Variants in ZNF572 observed in about 807,000 individuals in gnomAD.
ZNF572 encodes zinc finger protein 572.
ZNF572 carries 2 observed loss-of-function variants against 3.8 expected under a neutral mutation model. The ratio of observed to expected loss-of-function variants is 0.52; its 90% CI spans 0.21 to 1.65. ZNF572 has a LOEUF of 1.65. ZNF572 is among the 40% of genes most tolerant of loss of function. The pLI is 0.20. For missense variants in ZNF572, 581 were observed against 633.4 expected, an observed-to-expected ratio of 0.92 and a Z score of 0.89; for synonymous variants, 187 against 204.5, an observed-to-expected ratio of 0.91 and a Z score of 0.73.
In ZNF572 at chr8:124,975,595, T is replaced by G; in HGVS notation, c.-35-11T>G. On this transcript the variant is annotated splice_polypyrimidine_tract_variant and intron_variant, in intron 1 of 2. Transcript: ENST00000319286. ...CAAATACCTCCAAACATAATTTATT[T>G]CCTTCCACAGGGTTTCTGATCTCTA... 6.8e-7 allele frequency: 1 copy of G among 1,480,054 alleles called. No homozygotes were observed. Among genetic ancestry groups the G allele is most frequent in the Non-Finnish European group, 9.4e-7 (1 of 1,059,068 alleles). The allele number at this position is 1,480,054 out of a possible 1,614,324, so 91.7% of individuals were successfully genotyped here.
rs115342993 is a variant in ZNF572 at position 124,977,236 on chromosome 8, C to G, written c.968C>G (p.Thr323Arg). The G allele has an allele frequency of 6.2e-7, 1 of 1,613,154 alleles. No homozygotes were observed. The change falls in exon 3 of 3, where the codon ACA becomes AGA. Residue 323 changes from threonine (T) to arginine (R), a missense_variant. Thr to Arg is a moderately conservative substitution (Grantham distance 71). Transcript: ENST00000319286. ...CTAATAAAACATCAGAGAATACATA[C>G]AGGAGAAAAGCCTTATCAATGTCCA... ...STLIKHQRIH[T>R]GEKPYQCPEC...
chr8:124,976,681 G>T lies in ZNF572; in HGVS notation c.413G>T (p.Trp138Leu). ...AGACCCTATAAATGTTCCGAATGTT[G>T]GAAAAGCTTCAGTAATAGTTCTCAT... is the stretch of plus-strand genomic sequence containing the variant. The part of the protein sequence containing the change: ...VDRPYKCSEC[W>L]KSFSNSSHLR... Residue 138 changes from tryptophan to leucine, a missense_variant, in exon 3 of 3, where the codon TGG becomes TTG. Coordinates refer to ENST00000319286, the MANE Select transcript of ZNF572 (RefSeq NM_152412.3). The T allele has an allele frequency of 1.2e-6, 2 of 1,614,164 alleles. No homozygotes were observed. Among genetic ancestry groups the T allele is most frequent in the Non-Finnish European group, 1.7e-6 (2 of 1,180,018 alleles).
At chr8:124,974,204 A>G (rs1318354089) in intron 1 of ZNF572, among the ~76,000 whole-genome samples, 2 of 152,226 alleles carry the variant, frequency 1.3e-5, no homozygotes, top group Non-Finnish European at 2.9e-5. Context: ...TATTCTAAAT[A>G]TTCTAAAATA....
chr8:124,976,567 C>CT lies in ZNF572; in HGVS notation c.300dup (p.Lys101Ter). 1 of 1,614,056 alleles carries CT rather than the reference C, an allele frequency of 6.2e-7. No homozygotes were observed. The highest frequency in any genetic ancestry group is 8.5e-7 in the Non-Finnish European group (1 of 1,180,018). On this transcript the variant is annotated frameshift_variant, in exon 3 of 3. Transcript: ENST00000319286. LOFTEE classifies it low-confidence loss of function (END_TRUNC). ...TCAGAGAATTGGGGAAATTTTATAGCTAAAGAGGAGGAAAAACCCAATCAC... is the reference window on the plus strand; with the variant it reads ...TCAGAGAATTGGGGAAATTTTATAGCTTAAAGAGGAGGAAAAACCCAATCAC...
At chr8:124,974,853 G>T (rs1389030478) in intron 1 of ZNF572, among the ~76,000 whole-genome samples, 1 of 151,916 alleles carries the variant, frequency 6.6e-6, no homozygotes, top group African/African-American at 2.4e-5. Flanking sequence ...CACCACACCC[G>T]GCTAATTTTT....
In ZNF572 at chr8:124,978,073, G is replaced by T; in HGVS notation, c.*215G>T. On this transcript the variant is annotated 3_prime_UTR_variant, in exon 3 of 3. Transcript: ENST00000319286. ...CATCCACCAAGGATGAAGAAAGGAG[G>T]ACTTTTAAAAATTTAAGGTAAGATA... 1 of 507,206 alleles carries T rather than the reference G, an allele frequency of 2.0e-6. No homozygotes were observed. Among genetic ancestry groups the T allele is most frequent in the Non-Finnish European group, 3.3e-6 (1 of 298,900 alleles). 31.4% of individuals were successfully genotyped at this position (507,206 alleles called of 1,614,324 possible).
chr8:124,976,117 C>T (rs543291173), intron 2 of ZNF572, among the ~76,000 whole-genome samples: 2 of 152,106 alleles, frequency 1.3e-5, no homozygotes, highest in Non-Finnish European at 2.9e-5. Context: ...TTGATGTTCC[C>T]TTTGCCAATA....
intron 1 of ZNF572, among the ~76,000 whole-genome samples, chr8:124,974,576 G>A (rs1814479803): frequency 6.6e-6 from 1 of 152,086 alleles, no homozygotes; most frequent in African/African-American, 2.4e-5. Flanking sequence ...ATCCTTTTAC[G>A]TCCTTATTTT....
At chr8:124,973,994 A>G (rs1814471659) in intron 1 of ZNF572, among the ~76,000 whole-genome samples, 1 of 152,134 alleles carries the variant, frequency 6.6e-6, no homozygotes. Flanking sequence ...CTCCATTCGA[A>G]CAACTCCACC....
chr8:124,977,790 A>T lies in ZNF572; in HGVS notation c.1522A>T (p.Thr508Ser). Residue 508 changes from threonine to serine, a missense_variant, in exon 3 of 3, where the codon ACT becomes TCT. Transcript: ENST00000319286. ...PDVGDFPHEW[T>S]WKNCSGEMPF... ...CGTTGGGGATTTTCCTCATGAATGG[A>T]CTTGGAAAAACTGTTCAGGGGAAAT... 6.2e-7 allele frequency: 1 copy of T among 1,613,360 alleles called. No homozygotes were observed. Among genetic ancestry groups the T allele is most frequent in the Non-Finnish European group, 8.5e-7 (1 of 1,179,480 alleles).
chr8:124,978,573 T>A lies in ZNF572; in HGVS notation c.*715T>A, dbSNP rs904732636. 2.4e-4 allele frequency: 36 copies of A among 152,204 alleles called. No homozygotes were observed. The highest frequency in any genetic ancestry group is 7.5e-4 in the African/African-American group (31 of 41,450). 9.4% of individuals were successfully genotyped at this position (152,204 alleles called of 1,614,324 possible). A position where few individuals can be genotyped will look rare whatever the true frequency, so the allele number is the denominator to read the frequency against. On this transcript the variant is annotated 3_prime_UTR_variant, in exon 3 of 3. Transcript: ENST00000319286. ...TTGACAGACCCATAAATATTTCCTATAAAGACTGTAGAAGTGTGTTCTGGA... is the reference window on the plus strand; with the variant it reads ...TTGACAGACCCATAAATATTTCCTAAAAAGACTGTAGAAGTGTGTTCTGGA...
In ZNF572 at chr8:124,977,434, G is replaced by C. The variant is rs1359600686; in HGVS notation, c.1166G>C (p.Cys389Ser). The change falls in exon 3 of 3, where the codon TGT (cysteine) becomes TCT (serine). Residue 389 changes from cysteine to serine, a missense_variant. Cys to Ser is a moderately radical substitution (Grantham distance 112). Transcript: ENST00000319286. ...LGEKPYRCCECGKSFGLSSHL... is the reference protein window; with the variant it reads ...LGEKPYRCCESGKSFGLSSHL... ...GAGAAACCATATAGATGTTGTGAAT[G>C]TGGGAAGAGTTTTGGCCTTAGCTCC... 6.2e-7 allele frequency: 1 copy of C among 1,614,176 alleles called. No individual in the cohort carries two copies.
At position 124,975,666 on chromosome 8, in the gene ZNF572, T is replaced by C; in HGVS notation, c.26T>C (p.Val9Ala). The change falls in exon 2 of 3, where the codon GTC becomes GCC. Residue 9 changes from valine to alanine, a missense_variant. Transcript: ENST00000319286. ...ATGGAGCAAGAAAAAAAACTGTTGG[T>C]CTCAGATTCTAACAGCTTTATGGAG... The part of the protein sequence containing the change: MEQEKKLL[V>A]SDSNSFMERE... 2 of 1,613,962 alleles carry C rather than the reference T, an allele frequency of 1.2e-6. No homozygotes were observed. Among genetic ancestry groups the C allele is most frequent in the Non-Finnish European group, 1.7e-6 (2 of 1,179,918 alleles).
Position 124,977,663 on chromosome 8 carries a change from A to G in ZNF572, c.1395A>G (p.Glu465=). 1 of 1,614,236 alleles carries G rather than the reference A, an allele frequency of 6.2e-7. No individual in the cohort carries two copies. The highest frequency in any genetic ancestry group is 8.5e-7 in the Non-Finnish European group (1 of 1,180,028). The part of the protein sequence containing the change: ...LIRHRRTHIG[E]KPYKCTSCEK... ...GGCACCGGAGGACCCACATAGGGGA[A>G]AAACCTTACAAATGTACCAGCTGTG... Residue 465 remains glutamate (E), a synonymous_variant, in exon 3 of 3, where the codon GAA becomes GAG. Coordinates refer to ENST00000319286, the MANE Select transcript of ZNF572 (RefSeq NM_152412.3).
In ZNF572 at chr8:124,977,292, A is replaced by G. The variant is rs755887509; in HGVS notation, c.1024A>G (p.Asn342Asp). The G allele has an allele frequency of 6.2e-7, 1 of 1,613,722 alleles. No individual in the cohort carries two copies. The highest frequency in any genetic ancestry group is 8.5e-7 in the Non-Finnish European group (1 of 1,179,914). The change falls in exon 3 of 3, where the codon AAC becomes GAC. Residue 342 changes from asparagine (N) to aspartate (D), a missense_variant. Coordinates refer to ENST00000319286, the MANE Select transcript of ZNF572 (RefSeq NM_152412.3). ...ECGKNFSRSS[N>D]LITHQKMHTG... ...TGGGAAGAATTTTAGTCGTAGTTCA[A>G]ACCTTATTACACACCAGAAAATGCA...
chr8:124,973,579 G>A (rs1422722755), intron 1 of ZNF572, among the ~76,000 whole-genome samples, 163 bp downstream of exon 1: 1 of 152,208 alleles, frequency 6.6e-6, no homozygotes, highest in Non-Finnish European at 1.5e-5. Context: ...CTTGTCCGCG[G>A]GGTCCCTTAC....
chr8:124,977,516 G>A lies in ZNF572; in HGVS notation c.1248G>A (p.Glu416=), dbSNP rs145813595. The part of the protein sequence containing the change: ...HTGEKPYRCS[E]CWKTFSQSST... ...GAGAAAAACCTTACAGATGTTCTGA[G>A]TGCTGGAAAACTTTCAGTCAGAGTT... Residue 416 remains glutamate (E), a synonymous_variant, in exon 3 of 3, where the codon GAG becomes GAA. Coordinates refer to ENST00000319286, the MANE Select transcript of ZNF572 (RefSeq NM_152412.3). 1.2e-5 allele frequency: 19 copies of A among 1,614,076 alleles called. No homozygotes were observed. Among genetic ancestry groups the A allele is most frequent in the East Asian group, 2.2e-5 (1 of 44,892 alleles).
In ZNF572 at chr8:124,976,497, C is replaced by G. The variant is rs1162473462; in HGVS notation, c.229C>G (p.Gln77Glu). The change falls in exon 3 of 3, where the codon CAA (glutamine) becomes GAA (glutamate). Residue 77 changes from glutamine to glutamate, a missense_variant. Physicochemically the swap from Gln to Glu is conservative, Grantham distance 29 (BLOSUM62 2). Transcript: ENST00000319286. ...DAKEMPLTWVQDEIWCHDSYE... is the reference protein window; with the variant it reads ...DAKEMPLTWVEDEIWCHDSYE... ...AAAAGAAATGCCACTGACATGGGTTCAAGATGAGATTTGGTGTCATGATTC... is the reference window on the plus strand; with the variant it reads ...AAAAGAAATGCCACTGACATGGGTTGAAGATGAGATTTGGTGTCATGATTC... 6.2e-7 allele frequency: 1 copy of G among 1,614,048 alleles called. No homozygotes were observed. The highest frequency in any genetic ancestry group is 2.2e-5 in the East Asian group (1 of 44,878).
At position 124,976,795 on chromosome 8, in the gene ZNF572, T is replaced by A; in HGVS notation, c.527T>A (p.Ile176Asn). Residue 176 changes from isoleucine to asparagine, a missense_variant, in exon 3 of 3, where the codon ATT becomes AAT. Physicochemically the swap from Ile to Asn is moderately radical, Grantham distance 149. Coordinates refer to ENST00000319286, the MANE Select transcript of ZNF572 (RefSeq NM_152412.3). ...AKCFCNSSHL[I>N]QHLRMHTGEK... ...TGTTTTTGTAACAGTTCTCACCTGA[T>A]TCAGCATCTAAGAATGCACACAGGA... is the stretch of plus-strand genomic sequence containing the variant. 2 of 1,614,212 alleles carry A rather than the reference T, an allele frequency of 1.2e-6. No homozygotes were observed. The highest frequency in any genetic ancestry group is 2.7e-5 in the African/African-American group (2 of 75,060).
Sources: allele counts gnomAD v4.1 joint callset (sites outside exome capture counted in the v4.1 genomes callset), GRCh38; gene constraint gnomAD v4.1.1; transcripts MANE v1.5; gene names NCBI Gene and HGNC (gene_info 2026-07-23, HGNC 2026-07-21).